SLC2A13: variants seen among roughly 807,000 people sequenced by gnomAD.
The protein encoded by SLC2A13 is solute carrier family 2 member 13, also known as proton myo-inositol cotransporter.
In SLC2A13, 32 loss-of-function variants were observed where a neutral mutation model predicts 64.4. That is an observed-to-expected ratio of 0.50 (90% CI 0.37 to 0.67). The LOEUF is 0.67. SLC2A13 is among the 30% of genes least tolerant of loss of function. The probability of loss-of-function intolerance (pLI) is 0.00; values close to 1 mark genes in which losing one functional copy is unlikely to be tolerated. For missense variants in SLC2A13, 743 were observed against 829.2 expected (o/e 0.90, Z 1.28); for synonymous variants, 338 against 327.1 (o/e 1.03, Z -0.36).
At chr12:39,963,539 A>G (rs1946453768) in intron 3 of SLC2A13, among the ~76,000 whole-genome samples, 1 of 152,206 alleles carries the variant, frequency 6.6e-6, no homozygotes, top group South Asian at 2.1e-4. Context: ...TGACAGTTCT[A>G]TCAAGTTCAA....
chr12:39,831,752 G>GCCTGGAA (rs1361166333), intron 6 of SLC2A13, among the ~76,000 whole-genome samples: 13 of 152,026 alleles, frequency 8.6e-5, no homozygotes, highest in Admixed American at 6.6e-4. Flanking sequence ...GTTAAAAAGA[G>GCCTGGAA]CCTGGAACCT....
intron 7 of SLC2A13, among the ~76,000 whole-genome samples, chr12:39,797,833 A>T (rs145719270): frequency 3.9e-5 from 6 of 152,222 alleles, no homozygotes; most frequent in African/African-American, 1.4e-4. Context: ...CTATCCATGT[A>T]AACATAAAAG....
At chr12:39,896,576 G>GTGTATATATGTATACATATATGTATGTA (rs1565528999) in intron 4 of SLC2A13, among the ~76,000 whole-genome samples, 3 of 97,566 alleles carry the variant, frequency 3.1e-5, no homozygotes, top group African/African-American at 1.2e-4. Flanking sequence ...ATGTATGTAT[G>GTGTATATATGTATACATATATGTATGTA]TGTGTATATA....
intron 4 of SLC2A13, among the ~76,000 whole-genome samples, chr12:39,912,975 TA>T (rs1945456028): frequency 1.3e-5 from 2 of 152,146 alleles, no homozygotes; most frequent in Non-Finnish European, 2.9e-5. Context: ...CTTTGTCTTA[TA>T]AAGTATATCA....
At chr12:39,961,035 T>C (rs992013177) in intron 3 of SLC2A13, among the ~76,000 whole-genome samples, 3 of 150,948 alleles carry the variant, frequency 2.0e-5, no homozygotes, top group Non-Finnish European at 4.4e-5. Context: ...GCGTGAGCCA[T>C]TGTGCCTGGC....
chr12:39,857,161 G>C (rs1943631145), intron 6 of SLC2A13, among the ~76,000 whole-genome samples: 1 of 152,118 alleles, frequency 6.6e-6, no homozygotes, highest in African/African-American at 2.4e-5. Context: ...TGTTATTTCA[G>C]ACCTAAATGG....
chr12:39,777,499 C>T (rs1027156872), intron 7 of SLC2A13, among the ~76,000 whole-genome samples: 18 of 152,164 alleles, frequency 1.2e-4, no homozygotes, highest in Admixed American at 6.5e-4. Flanking sequence ...CTGACTAGGG[C>T]TCCACCCAGG....
chr12:40,028,532 T>C (rs945106045), intron 2 of SLC2A13, 23 bp from the exon 3 acceptor site: 8 of 1,610,312 alleles, frequency 5.0e-6, no homozygotes, highest in South Asian at 2.2e-5. Flanking sequence ...AAAATCCACA[T>C]TTACTGTAAA....
At chr12:40,017,057 G>A (rs1947632731) in intron 3 of SLC2A13, among the ~76,000 whole-genome samples, 1 of 152,118 alleles carries the variant, frequency 6.6e-6, no homozygotes, top group Non-Finnish European at 1.5e-5. Flanking sequence ...AGGGTCTCAT[G>A]ATGACTAAGT....
At chr12:39,911,542 C>T (rs768722852) in intron 4 of SLC2A13, among the ~76,000 whole-genome samples, 1 of 152,000 alleles carries the variant, frequency 6.6e-6, no homozygotes, top group African/African-American at 2.4e-5. Flanking sequence ...CAGGCTTTAC[C>T]CTTCCTTGGC....
intron 3 of SLC2A13, among the ~76,000 whole-genome samples, chr12:40,013,197 T>C (rs1947561233): frequency 6.6e-6 from 1 of 150,508 alleles, no homozygotes; most frequent in Non-Finnish European, 1.5e-5. Flanking sequence ...AAAACCTGAG[T>C]AATATAAACT....
At chr12:40,057,850 C>G (rs914473878) in intron 1 of SLC2A13, among the ~76,000 whole-genome samples, 1 of 152,080 alleles carries the variant, frequency 6.6e-6, no homozygotes, top group Non-Finnish European at 1.5e-5. Context: ...CCTTAATTAC[C>G]AAAGATCTCT....
intron 1 of SLC2A13, among the ~76,000 whole-genome samples, chr12:40,081,282 T>C (rs1371538945): frequency 6.6e-6 from 1 of 152,182 alleles, no homozygotes. Context: ...CTGGACAATA[T>C]CCACAAAAAC....
At chr12:39,953,935 T>C (rs933232309) in intron 3 of SLC2A13, among the ~76,000 whole-genome samples, 1 of 152,188 alleles carries the variant, frequency 6.6e-6, no homozygotes, top group African/African-American at 2.4e-5. Context: ...AGGTTGTCTG[T>C]GAACCTAGCC....
intron 3 of SLC2A13, among the ~76,000 whole-genome samples, chr12:40,012,637 T>C (rs552410492): frequency 2.6e-5 from 4 of 152,364 alleles, no homozygotes; most frequent in Admixed American, 6.5e-5. Context: ...AGGACATACA[T>C]GCTTCTACCT....
intron 3 of SLC2A13, among the ~76,000 whole-genome samples, chr12:39,994,606 C>A (rs957711114): frequency 2.0e-5 from 3 of 152,236 alleles, no homozygotes; most frequent in Middle Eastern, 3.4e-3. Flanking sequence ...CATATCTGTG[C>A]ATATAGTTTT....
intron 4 of SLC2A13, among the ~76,000 whole-genome samples, chr12:39,928,300 T>C (rs955559914): frequency 2.0e-5 from 3 of 152,154 alleles, no homozygotes; most frequent in Non-Finnish European, 4.4e-5. Context: ...CTTACTCATA[T>C]TAGAGAATTC....
intron 4 of SLC2A13, chr12:39,907,486 C>T (rs1945318641): frequency 6.6e-6 from 1 of 152,090 alleles, no homozygotes; most frequent in African/African-American, 2.4e-5. Flanking sequence ...CCCTAGGATT[C>T]CTACAAAACT....
intron 4 of SLC2A13, among the ~76,000 whole-genome samples, chr12:39,941,759 T>C (rs1246142820): frequency 1.3e-5 from 2 of 152,174 alleles, no homozygotes; most frequent in African/African-American, 4.8e-5. Context: ...TTTGCTTTTG[T>C]GTTCTTGGTC....
Sources: allele counts gnomAD v4.1 joint callset (sites outside exome capture counted in the v4.1 genomes callset), GRCh38; gene constraint gnomAD v4.1.1; transcripts MANE v1.5; gene names NCBI Gene and HGNC (gene_info 2026-07-23, HGNC 2026-07-21).